The following PPP1R14D variants were observed in gnomAD, a reference collection of about 807,000 sequenced individuals.
The protein encoded by PPP1R14D is protein phosphatase 1 regulatory subunit 14D.
Under a neutral mutation model 17.1 loss-of-function variants are expected in PPP1R14D, and 14 were observed. The ratio of observed to expected loss-of-function variants is 0.82; its 90% CI spans 0.54 to 1.28. The LOEUF is 1.28. Among genes scored for constraint, PPP1R14D ranks in the 50% most tolerant of loss-of-function variants. The probability of loss-of-function intolerance (pLI) is 0.00; values close to 1 mark genes in which losing one functional copy is unlikely to be tolerated. For synonymous variants in PPP1R14D, 67 were observed against 66.1 expected (o/e 1.01, Z -0.06); for missense variants, 173 against 179.2 (o/e 0.97, Z 0.20).
chr15:40,818,303 A>C (rs983984659), intron 1 of PPP1R14D, among the ~76,000 whole-genome samples: 32 of 151,270 alleles, frequency 2.1e-4, no homozygotes, highest in African/African-American at 6.5e-4. Context: ...AAAAAAAAAA[A>C]AAAAAAAAAC....
At chr15:40,817,291 A>G in intron 1 of PPP1R14D, 1 of 291,682 alleles carries the variant, frequency 3.4e-6, no homozygotes. Context: ...CGGGAGGCAG[A>G]AGTTGCAGAG....
intron 1 of PPP1R14D, among the ~76,000 whole-genome samples, chr15:40,825,011 C>T (rs952267871): frequency 6.6e-6 from 1 of 152,084 alleles, no homozygotes; most frequent in African/African-American, 2.4e-5. Context: ...AGGCCAGGCG[C>T]GGTGGCTCAT....
Position 40,828,491 on chromosome 15 carries a change from A to G in PPP1R14D, c.151T>C (p.Ser51Pro). The change falls in exon 1 of 4, where the codon TCC becomes CCC. Residue 51 changes from serine to proline, a missense_variant. Physicochemically the swap from Ser to Pro is moderately conservative, Grantham distance 74 (BLOSUM62 -1). Transcript: ENST00000299174. ...SHPDSSKIPRSRRPSRLTVKY... is the reference protein window; with the variant it reads ...SHPDSSKIPRPRRPSRLTVKY... ...ACTGTCAGGCGGCTGGGTCTCCGGG[A>G]CCTGGGTATCTTGGAGGAGTCCGGG... 1 of 1,614,178 alleles carries G rather than the reference A, an allele frequency of 6.2e-7. No homozygotes were observed. The highest frequency in any genetic ancestry group is 8.5e-7 in the Non-Finnish European group (1 of 1,180,028).
chr15:40,817,755 C>T (rs1341956176), intron 1 of PPP1R14D, among the ~76,000 whole-genome samples: 1 of 151,822 alleles, frequency 6.6e-6, no homozygotes, highest in Non-Finnish European at 1.5e-5. Flanking sequence ...GCTGGGACCA[C>T]AGGTGCACAC....
At position 40,817,066 on chromosome 15, in the gene PPP1R14D, TAAAAC is replaced by T. The variant is rs532646915; in HGVS notation, c.256-818_256-814del. 2.9e-3 allele frequency among the ~76,000 whole-genome samples: 436 copies of T among 148,306 alleles called. 2 individuals are homozygous for T. Among genetic ancestry groups the T allele is most frequent in the Non-Finnish European group, 4.0e-3 (267 of 67,216 alleles). On this transcript the variant is annotated intron_variant, in intron 1 of 3. Transcript: ENST00000299174. Reference sequence around the variant, plus strand: ...AGCCCGTCTGGGCGAGTCTCTGTCTTAAAACAAAAGCTGGCCACGGTGGCTCATGC... The same window carrying T: ...AGCCCGTCTGGGCGAGTCTCTGTCTTAAAAGCTGGCCACGGTGGCTCATGC...
chr15:40,826,985 C>T (rs1316269881), intron 1 of PPP1R14D, among the ~76,000 whole-genome samples: 3 of 152,144 alleles, frequency 2.0e-5, no homozygotes, highest in Non-Finnish European at 4.4e-5. Flanking sequence ...TAAGAAAGTG[C>T]CGTTTCCAGT....
Position 40,815,949 on chromosome 15 carries a change from G to C in PPP1R14D, c.372+13C>G, listed in dbSNP as rs756638154. 7.1e-5 allele frequency: 115 copies of C among 1,613,784 alleles called. No homozygotes were observed. The highest frequency in any genetic ancestry group is 8.9e-5 in the Non-Finnish European group (105 of 1,179,950). ...CTCCTCTTACCCCAGACCAGCAGAA[G>C]AACATCCCTTACCTCTGTGGGGCGG... is the stretch of plus-strand genomic sequence containing the variant. On this transcript the variant is annotated intron_variant, in intron 3 of 3. Coordinates refer to ENST00000299174, the MANE Select transcript of PPP1R14D (RefSeq NM_017726.8).
chr15:40,825,102 G>T (rs1890848237), intron 1 of PPP1R14D, among the ~76,000 whole-genome samples: 1 of 151,932 alleles, frequency 6.6e-6, no homozygotes, highest in Non-Finnish European at 1.5e-5. Context: ...TGGCCAACAT[G>T]GTGAAACCTC....
chr15:40,819,849 T>C (rs1250740087), intron 1 of PPP1R14D, among the ~76,000 whole-genome samples: 1 of 151,344 alleles, frequency 6.6e-6, no homozygotes, highest in Non-Finnish European at 1.5e-5. Context: ...CTAATGGTAT[T>C]TTCCAGTGTA....
At chr15:40,825,338 G>GGT (rs1157880977) in intron 1 of PPP1R14D, among the ~76,000 whole-genome samples, 2 of 151,608 alleles carry the variant, frequency 1.3e-5, no homozygotes, top group East Asian at 3.9e-4. Context: ...TAACAAAAGG[G>GGT]GTGCATGTTG....
intron 1 of PPP1R14D, among the ~76,000 whole-genome samples, chr15:40,819,793 A>T (rs1328353068): frequency 2.0e-5 from 3 of 151,910 alleles, no homozygotes; most frequent in Non-Finnish European, 1.5e-5. Context: ...ATTGTGCTGG[A>T]GGGGTGCTGT....
At chr15:40,823,584 ACTATAC>A (rs1162337609) in intron 1 of PPP1R14D, among the ~76,000 whole-genome samples, 1 of 152,198 alleles carries the variant, frequency 6.6e-6, no homozygotes, top group East Asian at 1.9e-4. Flanking sequence ...CCATATTTTT[ACTATAC>A]CTTTTCTATG....
Position 40,824,517 on chromosome 15 carries a change from C to T in PPP1R14D, c.255+3870G>A, listed in dbSNP as rs150722008. ...TCCCAAGTGGTTGGAACCACAGGCA[C>T]GCACCACCACACCCTGCTAATTTTT... On this transcript the variant is annotated intron_variant, in intron 1 of 3. Transcript: ENST00000299174. 2.2e-4 allele frequency among the ~76,000 whole-genome samples: 34 copies of T among 151,942 alleles called. 1 individual carries two copies. The highest frequency in any genetic ancestry group is 6.0e-4 in the African/African-American group (25 of 41,430).
chr15:40,817,769 C>T (rs1027294255), intron 1 of PPP1R14D, among the ~76,000 whole-genome samples: 2 of 151,784 alleles, frequency 1.3e-5, no homozygotes, highest in African/African-American at 4.8e-5. Flanking sequence ...TGCACACCAC[C>T]ACACCCAGCT....
chr15:40,827,602 A>G (rs1214754471), intron 1 of PPP1R14D, among the ~76,000 whole-genome samples: 1 of 152,096 alleles, frequency 6.6e-6, no homozygotes, highest in Non-Finnish European at 1.5e-5. Context: ...ACAGCTACAC[A>G]TGGCTGATGG....
At position 40,828,369 on chromosome 15, in the gene PPP1R14D, A is replaced by G. The variant is rs370430758; in HGVS notation, c.255+18T>C. 4 of 1,561,454 alleles carry G rather than the reference A, an allele frequency of 2.6e-6. No individual in the cohort carries two copies. Among genetic ancestry groups the G allele is most frequent in the Non-Finnish European group, 3.5e-6 (4 of 1,154,018 alleles). On this transcript the variant is annotated intron_variant, in intron 1 of 3. Transcript: ENST00000299174. The stretch of plus-strand genomic sequence containing the variant: ...CCCCAGGCCCCCATCTCCTCCCACT[A>G]TCCGCTGTGCTACCTACCTGGAAGA...
At chr15:40,823,067 C>A (rs555561585) in intron 1 of PPP1R14D, among the ~76,000 whole-genome samples, 2 of 149,038 alleles carry the variant, frequency 1.3e-5, no homozygotes, top group African/African-American at 5.0e-5. Context: ...TGGGTTCAAG[C>A]GATTCTCCTG....
At chr15:40,823,603 C>T (rs796545320) in intron 1 of PPP1R14D, among the ~76,000 whole-genome samples, 9 of 152,214 alleles carry the variant, frequency 5.9e-5, no homozygotes, top group African/African-American at 2.2e-4. Flanking sequence ...TTTCTATGTT[C>T]AGATATATAA....
intron 1 of PPP1R14D, 118 bp from the exon 2 acceptor site, chr15:40,816,371 C>G: frequency 1.3e-6 from 1 of 783,654 alleles, no homozygotes; most frequent in South Asian, 1.5e-5. Flanking sequence ...TTTCTCCTCA[C>G]TCAGAACACC....
Sources: allele counts gnomAD v4.1 joint callset (sites outside exome capture counted in the v4.1 genomes callset), GRCh38; gene constraint gnomAD v4.1.1; transcripts MANE v1.5; gene names NCBI Gene and HGNC (gene_info 2026-07-23, HGNC 2026-07-21).